Variants in LRRC37A2 observed in about 807,000 individuals in gnomAD.
LRRC37A2 encodes the protein leucine-rich repeat-containing protein 37A2.
In LRRC37A2, 9 loss-of-function variants were observed where a neutral mutation model predicts 68.8. The ratio of observed to expected loss-of-function variants is 0.13; its 90% confidence interval spans 0.08 to 0.23. LRRC37A2 has a LOEUF of 0.23. Among genes scored for constraint, LRRC37A2 ranks in the 10% least tolerant of loss-of-function variants. The pLI is 1.00. For missense variants in LRRC37A2, 168 were observed against 950.4 expected (o/e 0.18, Z 10.82); for synonymous variants, 63 against 367.6 (o/e 0.17, Z 9.48).
At chr17:46,839,961 TTTCTTTC>T in the LRRC37A2 span, among the ~76,000 whole-genome samples, 17 of 141,550 alleles carry the variant, frequency 1.2e-4, no homozygotes, top group Non-Finnish European at 2.4e-4. Flanking sequence ...TCTTTCTTTC[TTTCTTTC>T]TTTCTTTCTC....
At chr17:46,967,026 CTG>C in the LRRC37A2 span, 1 of 210,166 alleles carries the variant, frequency 4.8e-6, no homozygotes, top group Non-Finnish European at 9.4e-6. Flanking sequence ...GAAAGCAGGG[CTG>C]TGTGTCCAAC....
the LRRC37A2 span, among the ~76,000 whole-genome samples, chr17:46,843,035 A>T: frequency 2.2e-4 from 33 of 152,252 alleles, no homozygotes; most frequent in African/African-American, 7.0e-4. Context: ...GTTGCTAGTG[A>T]CTCCTATTGG....
At chr17:46,490,638 C>T in the LRRC37A2 span, among the ~76,000 whole-genome samples, 10 of 149,174 alleles carry the variant, frequency 6.7e-5, no homozygotes, top group South Asian at 2.1e-4. Context: ...GCAGGAGAAT[C>T]GCTTAAACTC....
At chr17:46,826,448 A>C in the LRRC37A2 span, among the ~76,000 whole-genome samples, 7 of 152,164 alleles carry the variant, frequency 4.6e-5, no homozygotes, top group Non-Finnish European at 1.0e-4. Flanking sequence ...AGCAGGACCC[A>C]CCTCTTATGC....
chr17:46,979,439 C>A, the LRRC37A2 span, among the ~76,000 whole-genome samples: 1 of 152,182 alleles, frequency 6.6e-6, no homozygotes, highest in African/African-American at 2.4e-5. Context: ...CGCGGGCCGG[C>A]GAAACTCCAC....
the LRRC37A2 span, among the ~76,000 whole-genome samples, chr17:46,897,677 G>C: frequency 2.6e-5 from 4 of 151,780 alleles, no homozygotes; most frequent in African/African-American, 9.7e-5. Context: ...TGTAGAGATG[G>C]GGTCTCACCG....
chr17:46,805,157 G>A, the LRRC37A2 span, among the ~76,000 whole-genome samples: 1 of 152,012 alleles, frequency 6.6e-6, no homozygotes, highest in Admixed American at 6.6e-5. Flanking sequence ...ACGAACCCTG[G>A]TCCTCAAGTG....
At chr17:46,797,894 CA>C in the LRRC37A2 span, among the ~76,000 whole-genome samples, 7 of 152,106 alleles carry the variant, frequency 4.6e-5, no homozygotes, top group Non-Finnish European at 8.8e-5. Flanking sequence ...CAAAATAAAA[CA>C]TTTCATTTAG....
chr17:46,909,311 G>C, the LRRC37A2 span, among the ~76,000 whole-genome samples: 6 of 152,200 alleles, frequency 3.9e-5, no homozygotes, highest in Non-Finnish European at 8.8e-5. Context: ...GATTGCAGGA[G>C]TGAGCCGCTG....
At chr17:46,912,554 G>A in the LRRC37A2 span, among the ~76,000 whole-genome samples, 5 of 152,164 alleles carry the variant, frequency 3.3e-5, no homozygotes, top group Admixed American at 6.5e-5. Flanking sequence ...CTCTAGGGAG[G>A]ACAACTTCCT....
the LRRC37A2 span, among the ~76,000 whole-genome samples, chr17:47,000,297 C>T: frequency 6.8e-6 from 1 of 147,146 alleles, no homozygotes; most frequent in Non-Finnish European, 1.5e-5. Flanking sequence ...TGCAGTGGTT[C>T]GATCTTGGCT....
the LRRC37A2 span, chr17:46,851,784 G>A: frequency 5.8e-6 from 5 of 860,294 alleles, no homozygotes; most frequent in South Asian, 1.3e-4. The surrounding 1 kb of genome is among the most constrained non-coding windows in gnomAD (Gnocchi z 4.3). Flanking sequence ...CTACAGCTGG[G>A]CCAATTTTTC....
At chr17:46,953,842 G>C in the LRRC37A2 span, among the ~76,000 whole-genome samples, 3 of 152,080 alleles carry the variant, frequency 2.0e-5, no homozygotes, top group Non-Finnish European at 4.4e-5. Flanking sequence ...GTCTTCTTTT[G>C]AGAAGTGTAT....
chr17:46,496,312 A>G, the LRRC37A2 span, among the ~76,000 whole-genome samples: 1 of 144,992 alleles, frequency 6.9e-6, no homozygotes, highest in Admixed American at 6.9e-5. Flanking sequence ...TATATTAAAA[A>G]CCATTATTTG....
chr17:46,976,741 C>G, the LRRC37A2 span, among the ~76,000 whole-genome samples: 1 of 151,596 alleles, frequency 6.6e-6, no homozygotes, highest in Admixed American at 6.5e-5. Context: ...GGATTTTACG[C>G]AAATGCCTGT....
At chr17:46,853,159 C>G in the LRRC37A2 span, among the ~76,000 whole-genome samples, 1 of 152,258 alleles carries the variant, frequency 6.6e-6, no homozygotes, top group South Asian at 2.1e-4. Context: ...GTCATCATCA[C>G]TAGGGCACAG....
the LRRC37A2 span, among the ~76,000 whole-genome samples, chr17:46,822,885 C>T: frequency 6.6e-6 from 1 of 151,762 alleles, no homozygotes; most frequent in South Asian, 2.1e-4. Context: ...CCAGTTCTTC[C>T]TGGATCCCGA....
At chr17:46,898,674 G>A in the LRRC37A2 span, among the ~76,000 whole-genome samples, 9 of 152,222 alleles carry the variant, frequency 5.9e-5, no homozygotes, top group Non-Finnish European at 1.3e-4. Flanking sequence ...GAATCCTCGA[G>A]TTTCCAGTGG....
At chr17:47,028,481 T>G in the LRRC37A2 span, 1 of 720,364 alleles carries the variant, frequency 1.4e-6, no homozygotes, top group Admixed American at 2.3e-5. Context: ...TAAGATCCAT[T>G]CATTTTTCTC....
Sources: gnomAD v4.1 joint callset for allele counts (sites outside exome capture counted in the v4.1 genomes callset) on GRCh38, gnomAD v4.1.1 for gene constraint, Gnocchi (gnomAD v3.1) non-coding constraint, MANE v1.5 for transcripts, NCBI Gene and HGNC (gene_info 2026-07-23, HGNC 2026-07-21) for gene names.